ACAD9: variants seen among roughly 807,000 people sequenced by gnomAD.
ACAD9 encodes acyl-CoA dehydrogenase family member 9.
In ACAD9, 53 loss-of-function variants were observed where a neutral mutation model predicts 70.2. The observed-to-expected ratio is 0.75, with a 90% CI of 0.61 to 0.95. The LOEUF is 0.95. Ranked by LOEUF, ACAD9 falls within the 40% of genes least tolerant of loss-of-function variation. ACAD9 has a pLI of 0.00. For missense variants in ACAD9, 777 were observed against 802.8 expected, an observed-to-expected ratio of 0.97 and a Z score of 0.39; for synonymous variants, 313 against 312.1, an observed-to-expected ratio of 1.00 and a Z score of -0.03.
chr3:128,896,374 C>G lies in ACAD9; in HGVS notation c.454-62C>G, dbSNP rs1400657069. On this transcript the variant is annotated intron_variant, in intron 4 of 17. Coordinates refer to ENST00000308982, the MANE Select transcript of ACAD9 (RefSeq NM_014049.5). ...TTTGCCTCAGAAAGGAAATGTTTCA[C>G]AAACACCTCATGCTCTCCTTTCTCC... The G allele has an allele frequency of 6.6e-6, 10 of 1,514,276 alleles. No individual in the cohort carries two copies. In the African/African-American group the frequency reaches 6.8e-5, roughly 10 times the overall value. The allele number at this position is 1,514,276 out of a possible 1,614,324, so 93.8% of individuals were successfully genotyped here.
At chr3:128,884,155 A>T (rs530291447) in intron 1 of ACAD9, among the ~76,000 whole-genome samples, 5 of 152,306 alleles carry the variant, frequency 3.3e-5, no homozygotes, top group African/African-American at 9.6e-5. Context: ...TCACACAATA[A>T]TTGATGTAGA....
At chr3:128,912,078 G>A (rs1318610248) in intron 17 of ACAD9, among the ~76,000 whole-genome samples, 1 of 152,244 alleles carries the variant, frequency 6.6e-6, no homozygotes, top group Non-Finnish European at 1.5e-5. Context: ...CAAGTGATGG[G>A]TGTAGGCGCC....
At chr3:128,883,845 CA>C (rs1935167008) in intron 1 of ACAD9, among the ~76,000 whole-genome samples, 1 of 152,120 alleles carries the variant, frequency 6.6e-6, no homozygotes, top group Non-Finnish European at 1.5e-5. Flanking sequence ...ATTAGCTGTA[CA>C]AGGTCTGAGG....
rs761066562 is a variant in ACAD9, at chr3:128,909,110, C to G, written c.1485+11C>G. On this transcript the variant is annotated intron_variant, in intron 14 of 17. Coordinates refer to ENST00000308982, the MANE Select transcript of ACAD9 (RefSeq NM_014049.5). The stretch of plus-strand genomic sequence containing the variant: ...CACCCCAGTCTTGCGGTGAGTGGGC[C>G]TAACAGGCATACCCCCTATTTCAAT... 1.9e-6 allele frequency: 3 copies of G among 1,613,888 alleles called. No homozygotes were observed. The highest frequency in any genetic ancestry group is 4.5e-5 in the East Asian group (2 of 44,876).
At position 128,911,533 on chromosome 3, in the gene ACAD9, G is replaced by A. The variant is rs188462902; in HGVS notation, c.1765+720G>A. Among the ~76,000 whole-genome samples the A allele has an allele frequency of 5.6e-4, 85 of 152,258 alleles. 1 individual carries two copies. Among genetic ancestry groups the A allele is most frequent in the Admixed American group, 7.8e-4 (12 of 15,298 alleles). Reference sequence around the variant, plus strand: ...GCTCACTGCAACCTCCACCTCCTGGGTTCAAGCAACTCCTGTGCCTCAGCC... The same window carrying A: ...GCTCACTGCAACCTCCACCTCCTGGATTCAAGCAACTCCTGTGCCTCAGCC... On this transcript the variant is annotated intron_variant, in intron 17 of 17. Transcript: ENST00000308982.
intron 2 of ACAD9, among the ~76,000 whole-genome samples, chr3:128,892,199 G>A (rs990837245): frequency 3.3e-5 from 5 of 152,268 alleles, no homozygotes; most frequent in Non-Finnish European, 4.4e-5. Flanking sequence ...TATCTCGATT[G>A]TCATGTTTTC....
intron 1 of ACAD9, among the ~76,000 whole-genome samples, chr3:128,883,598 C>T (rs980331582): frequency 9.2e-5 from 14 of 152,032 alleles, no homozygotes; most frequent in African/African-American, 2.9e-4. Context: ...CCTCGTGATC[C>T]GCCCGCCTCG....
At chr3:128,884,621 T>G in intron 1 of ACAD9, 32 bp from the exon 2 acceptor site, 1 of 1,535,806 alleles carries the variant, frequency 6.5e-7, no homozygotes, top group Non-Finnish European at 8.9e-7. Flanking sequence ...TGCTAAAAAT[T>G]AAATTTTTTA....
At chr3:128,910,940 G>A (rs543345927) in intron 17 of ACAD9, 127 bp downstream of exon 17, 34 of 1,184,458 alleles carry the variant, frequency 2.9e-5, no homozygotes, top group Admixed American at 3.5e-5. Context: ...TGCCTTGAGC[G>A]AGGGCCTGGG....
At chr3:128,881,041 T>G (rs1354230246) in intron 1 of ACAD9, among the ~76,000 whole-genome samples, 1 of 152,216 alleles carries the variant, frequency 6.6e-6, no homozygotes, top group African/African-American at 2.4e-5. Flanking sequence ...ACAGAAGTTA[T>G]TCCCTGGCTT....
In ACAD9 at chr3:128,883,905, C is replaced by T. The variant is rs116508857; in HGVS notation, c.151-748C>T. ...CTTCTCTAGAACACTTGGTGAGAGG[C>T]GCCATGAGGACAGGTGATGCTTGGG... On this transcript the variant is annotated intron_variant, in intron 1 of 17. Coordinates refer to ENST00000308982, the MANE Select transcript of ACAD9 (RefSeq NM_014049.5). 3.8e-3 allele frequency among the ~76,000 whole-genome samples: 585 copies of T among 152,282 alleles called. 7 individuals are homozygous for T. The highest frequency in any genetic ancestry group is 0.013 in the African/African-American group (558 of 41,558).
At chr3:128,888,993 CAG>C (rs1296606157) in intron 2 of ACAD9, among the ~76,000 whole-genome samples, 1 of 151,186 alleles carries the variant, frequency 6.6e-6, no homozygotes, top group Non-Finnish European at 1.5e-5. Flanking sequence ...AAGTCAATGA[CAG>C]ACCATATATA....
chr3:128,911,528 C>CCACCA lies in ACAD9; in HGVS notation c.1765+716_1765+717insACCAC, dbSNP rs1175499491. The stretch of plus-strand genomic sequence containing the variant: ...TCTTGGCTCACTGCAACCTCCACCT[C>CCACCA]CTGGGTTCAAGCAACTCCTGTGCCT... On this transcript the variant is annotated intron_variant, in intron 17 of 17. Transcript: ENST00000308982. 3.9e-5 allele frequency among the ~76,000 whole-genome samples: 6 copies of CCACCA among 152,322 alleles called. No homozygotes were observed. In the East Asian group the frequency reaches 1.2e-3, roughly 29 times the overall value.
chr3:128,906,063 C>T, intron 11 of ACAD9, 58 bp from the exon 12 acceptor site: 1 of 1,613,102 alleles, frequency 6.2e-7, no homozygotes, highest in Non-Finnish European at 8.5e-7. Context: ...CCCCAGCCAC[C>T]CAGCTCCCTG....
At chr3:128,910,692 T>C in intron 16 of ACAD9, 49 bp from the exon 17 acceptor site, 1 of 1,606,442 alleles carries the variant, frequency 6.2e-7, no homozygotes, top group Non-Finnish European at 8.5e-7. Context: ...AGCTCAGAGG[T>C]CTGATTCCAG....
chr3:128,910,288 G>A (rs959711597), intron 16 of ACAD9, 139 bp downstream of exon 16: 2 of 1,515,358 alleles, frequency 1.3e-6, no homozygotes. Context: ...CCGTGGGAGG[G>A]TCTGTGCTGC....
In ACAD9 at chr3:128,906,124, T is replaced by G; in HGVS notation, c.1153T>G (p.Phe385Val). ...CSIEAAMVKV[F>V]SSEAAWQCVS... Reference sequence around the variant, plus strand: ...GATTCAGTGTGACACCCCACAGGTGTTCAGCTCCGAGGCCGCCTGGCAGTG... The same window carrying G: ...GATTCAGTGTGACACCCCACAGGTGGTCAGCTCCGAGGCCGCCTGGCAGTG... The change falls in exon 12 of 18, where the codon TTC becomes GTC. Residue 385 changes from phenylalanine to valine, a missense_variant. Transcript: ENST00000308982. The G allele has an allele frequency of 6.2e-7, 1 of 1,614,138 alleles. No homozygotes were observed. Among genetic ancestry groups the G allele is most frequent in the Non-Finnish European group, 8.5e-7 (1 of 1,180,028 alleles).
In ACAD9 at chr3:128,909,025, C is replaced by T. The variant is rs1313967263; in HGVS notation, c.1411C>T (p.Leu471Phe). 1 of 1,614,194 alleles carries T rather than the reference C, an allele frequency of 6.2e-7. No individual in the cohort carries two copies. The highest frequency in any genetic ancestry group is 1.1e-5 in the South Asian group (1 of 91,088). ...STVMDTVGRR[L>F]RDSLGRTVDL... is the part of the protein sequence containing the mutation. ...AGTCATGGATACCGTTGGCCGGAGGCTTCGGGACTCCCTGGGCCGAACTGT... is the reference window on the plus strand; with the variant it reads ...AGTCATGGATACCGTTGGCCGGAGGTTTCGGGACTCCCTGGGCCGAACTGT... The change falls in exon 14 of 18, where the codon CTT becomes TTT. Residue 471 changes from leucine (L) to phenylalanine (F), a missense_variant. Transcript: ENST00000308982.
chr3:128,909,757 C>T, intron 15 of ACAD9: 1 of 608,744 alleles, frequency 1.6e-6, no homozygotes. Flanking sequence ...GGCAGTAGCA[C>T]AGTAAGCACT....
Sources: gnomAD v4.1 joint callset for allele counts (sites outside exome capture counted in the v4.1 genomes callset) on GRCh38, gnomAD v4.1.1 for gene constraint, MANE v1.5 for transcripts, NCBI Gene and HGNC (gene_info 2026-07-23, HGNC 2026-07-21) for gene names.